The following GFOD1 variants were observed in gnomAD, a reference collection of about 807,000 sequenced individuals.
GFOD1 encodes the protein Gfo/Idh/MocA-like oxidoreductase domain containing 1.
GFOD1 carries 9 observed loss-of-function variants against 25.4 expected under a neutral mutation model. The ratio of observed to expected loss-of-function variants is 0.35; its 90% CI spans 0.21 to 0.62. GFOD1 has a LOEUF of 0.62. GFOD1 is among the 20% of genes least tolerant of loss of function. The pLI is 0.72. For synonymous variants in GFOD1, 253 were observed against 245.6 expected, an observed-to-expected ratio of 1.03 and a Z score of -0.28; for missense variants, 403 against 556.9, an observed-to-expected ratio of 0.72 and a Z score of 2.78.
chr6:13,472,536 G>C (rs1320905216), intron 1 of GFOD1, among the ~76,000 whole-genome samples: 1 of 152,116 alleles, frequency 6.6e-6, no homozygotes, highest in African/African-American at 2.4e-5. Context: ...CCATTATACA[G>C]ATAAAGAAAC....
chr6:13,365,550 C>T lies in GFOD1; in HGVS notation c.366G>A (p.Leu122=), dbSNP rs750441340. 6.2e-7 allele frequency: 1 copy of T among 1,611,418 alleles called. No homozygotes were observed. The highest frequency in any genetic ancestry group is 1.3e-5 in the African/African-American group (1 of 74,928). Residue 122 remains leucine (L), a synonymous_variant, in exon 2 of 2, where the codon CTG becomes CTA. Transcript: ENST00000379287. The surrounding 1 kb of genome is among the most constrained non-coding windows in gnomAD (Gnocchi z 9.2). ...PKLMSIMGNV[L]RFLPAFVRMK... ...TGCGCACGAAAGCCGGCAGGAAGCG[C>T]AGCACGTTGCCCATGATGCTCATGA...
chr6:13,417,444 T>C (rs1786181616), intron 1 of GFOD1, among the ~76,000 whole-genome samples: 1 of 152,212 alleles, frequency 6.6e-6, no homozygotes, highest in African/African-American at 2.4e-5. Context: ...GGGGACTTTT[T>C]ATTAACCTAT....
chr6:13,475,761 T>G (rs1468089580), intron 1 of GFOD1, among the ~76,000 whole-genome samples: 1 of 64,196 alleles, frequency 1.6e-5, no homozygotes, highest in East Asian at 5.4e-4. Flanking sequence ...ATAATAATAA[T>G]AATAATACAA....
intron 1 of GFOD1, among the ~76,000 whole-genome samples, chr6:13,439,586 A>C (rs865868672): frequency 6.6e-6 from 1 of 152,226 alleles, no homozygotes; most frequent in African/African-American, 2.4e-5. Context: ...CAGGAGTTCA[A>C]GAAGCTGAGC....
chr6:13,402,629 G>T (rs1785869036), intron 1 of GFOD1, among the ~76,000 whole-genome samples: 2 of 152,110 alleles, frequency 1.3e-5, no homozygotes, highest in Admixed American at 1.3e-4. Flanking sequence ...ACAATAAGAT[G>T]CTACTTTATG....
At chr6:13,478,063 CA>C (rs70989861) in intron 1 of GFOD1, among the ~76,000 whole-genome samples, 58,942 of 133,024 alleles carry the variant, frequency 0.44, 13,653 homozygotes, top group Middle Eastern at 0.58. Context: ...GAATCTATCT[CA>C]AAAAAAAAAA....
At chr6:13,482,745 C>G (rs1758781506) in intron 1 of GFOD1, among the ~76,000 whole-genome samples, 1 of 152,028 alleles carries the variant, frequency 6.6e-6, no homozygotes. Context: ...GAGGCTCCGT[C>G]TCAAAAAATA....
Position 13,374,264 on chromosome 6 carries a change from GTTTTTT to G in GFOD1, c.254-8608_254-8603del, listed in dbSNP as rs113077397. ...GCCAGCCTAGTCTTTTTAAAAATAT[GTTTTTT>G]TTTTGTGTGTGTGTGTGTGTGTGTG... On this transcript the variant is annotated intron_variant, in intron 1 of 1. Coordinates refer to ENST00000379287, the MANE Select transcript of GFOD1 (RefSeq NM_018988.4). Among the ~76,000 whole-genome samples, 962 of 126,100 alleles carry G rather than the reference GTTTTTT, an allele frequency of 7.6e-3. 18 individuals carry two copies. Among genetic ancestry groups the G allele is most frequent in the African/African-American group, 0.02 (724 of 36,148 alleles). 82.7% of individuals were successfully genotyped at this position (126,100 alleles called of 152,430 possible). A position where few individuals can be genotyped will look rare whatever the true frequency, so the allele number is the denominator to read the frequency against.
chr6:13,440,232 C>A lies in GFOD1; in HGVS notation c.253+46406G>T, dbSNP rs190797101. On this transcript the variant is annotated intron_variant, in intron 1 of 1. Coordinates refer to ENST00000379287, the MANE Select transcript of GFOD1 (RefSeq NM_018988.4). ...GAGATGGAGTTTTGCTTTTGTTACC[C>A]AGGCTGGAATGCAATGGCGCGATCT... 5.9e-3 allele frequency among the ~76,000 whole-genome samples: 899 copies of A among 152,046 alleles called. 8 individuals carry two copies. Among genetic ancestry groups the A allele is most frequent in the Non-Finnish European group, 9.1e-3 (616 of 68,000 alleles).
At chr6:13,417,803 C>G (rs756414298) in intron 1 of GFOD1, among the ~76,000 whole-genome samples, 1 of 152,180 alleles carries the variant, frequency 6.6e-6, no homozygotes. Flanking sequence ...TATCAGTTGC[C>G]ATGTTTTTGT....
intron 1 of GFOD1, among the ~76,000 whole-genome samples, chr6:13,427,643 C>T (rs894979443): frequency 1.3e-5 from 2 of 151,774 alleles, no homozygotes; most frequent in African/African-American, 4.8e-5. Flanking sequence ...AGAGTAAGAG[C>T]CTGTCTCAAA....
intron 1 of GFOD1, among the ~76,000 whole-genome samples, chr6:13,478,063 CAA>C (rs70989861): frequency 1.7e-4 from 23 of 133,178 alleles, no homozygotes; most frequent in Admixed American, 2.9e-4. Context: ...GAATCTATCT[CAA>C]AAAAAAAAAA....
chr6:13,442,763 G>A (rs1351436476), intron 1 of GFOD1, among the ~76,000 whole-genome samples: 3 of 152,146 alleles, frequency 2.0e-5, no homozygotes, highest in East Asian at 1.9e-4. Flanking sequence ...CAGAAAAAAC[G>A]ATTCCTCTCG....
intron 1 of GFOD1, among the ~76,000 whole-genome samples, chr6:13,410,992 C>T (rs369767193): frequency 6.6e-6 from 1 of 152,200 alleles, no homozygotes; most frequent in Non-Finnish European, 1.5e-5. Flanking sequence ...GGAAGCCTCA[C>T]ATAATTGTAT....
chr6:13,470,399 C>A (rs1361883498), intron 1 of GFOD1: 12 of 1,549,488 alleles, frequency 7.7e-6, no homozygotes, highest in Non-Finnish European at 1.0e-5. Context: ...AGCCAGGCTG[C>A]CTCTGTGCCC....
chr6:13,446,810 C>T (rs780613864), intron 1 of GFOD1, among the ~76,000 whole-genome samples: 1 of 152,194 alleles, frequency 6.6e-6, no homozygotes, highest in Non-Finnish European at 1.5e-5. Flanking sequence ...AGATCAGAAG[C>T]ACATATTTGA....
intron 1 of GFOD1, among the ~76,000 whole-genome samples, chr6:13,411,482 G>C (rs1786076919): frequency 6.6e-6 from 1 of 151,978 alleles, no homozygotes; most frequent in Non-Finnish European, 1.5e-5. Flanking sequence ...AGTAGAGTCG[G>C]GGTTTCACCA....
At chr6:13,419,666 G>A (rs1300508884) in intron 1 of GFOD1, among the ~76,000 whole-genome samples, 3 of 152,074 alleles carry the variant, frequency 2.0e-5, no homozygotes, top group Admixed American at 6.6e-5. Context: ...TGCAGCGCCC[G>A]TGCCGCCGCT....
At chr6:13,486,245 C>A in intron 1 of GFOD1, 1 of 397,140 alleles carries the variant, frequency 2.5e-6, no homozygotes, top group Non-Finnish European at 3.2e-6. Context: ...TCCACCCCCC[C>A]ATCCCCCCCC....
Sources: allele counts gnomAD v4.1 joint callset (sites outside exome capture counted in the v4.1 genomes callset), GRCh38; gene constraint gnomAD v4.1.1; non-coding constraint Gnocchi (gnomAD v3.1); transcripts MANE v1.5; gene names NCBI Gene and HGNC (gene_info 2026-07-23, HGNC 2026-07-21).